The following POLD3 variants were observed in gnomAD, a reference collection of about 807,000 sequenced individuals.
POLD3 encodes DNA polymerase delta subunit 3.
POLD3 carries 19 observed loss-of-function variants against 58.2 expected under a neutral mutation model. The ratio of observed to expected loss-of-function variants is 0.33; its 90% CI spans 0.23 to 0.48. The LOEUF (loss-of-function observed/expected upper bound fraction) is 0.48. POLD3 is among the 20% of genes least tolerant of loss of function. POLD3 has a pLI of 0.99. For synonymous variants in POLD3, 172 were observed against 193.5 expected, an observed-to-expected ratio of 0.89 and a Z score of 0.92; for missense variants, 504 against 545.5, an observed-to-expected ratio of 0.92 and a Z score of 0.76.
chr11:74,627,179 C>T (rs1565123673), intron 8 of POLD3, among the ~76,000 whole-genome samples: 1 of 152,032 alleles, frequency 6.6e-6, no homozygotes, highest in Non-Finnish European at 1.5e-5. Flanking sequence ...AGAAGACCTT[C>T]CAGTGGGACA....
rs11354555 is a variant in POLD3, at chr11:74,637,806, C to CTT, written c.1198+1546_1198+1547dup. 9.3e-4 allele frequency among the ~76,000 whole-genome samples: 134 copies of CTT among 143,840 alleles called. 1 individual carries two copies. The highest frequency in any genetic ancestry group is 7.0e-3 in the Middle Eastern group (2 of 284). The allele number at this position is 143,840 out of a possible 152,430, so 94.4% of individuals were successfully genotyped here. On this transcript the variant is annotated intron_variant, in intron 11 of 11. Transcript: ENST00000263681. The stretch of plus-strand genomic sequence containing the variant: ...CAGTGAAAACTGTGCTCACATTGCA[C>CTT]TTTTTTTTTTTTTTTTAAAGGTTTT...
chr11:74,604,028 G>A (rs960100893), intron 2 of POLD3, among the ~76,000 whole-genome samples: 1 of 152,212 alleles, frequency 6.6e-6, no homozygotes, highest in Non-Finnish European at 1.5e-5. Context: ...ACTGGGCAAT[G>A]TGAGTAAGCT....
chr11:74,662,331 C>T (rs1335386736), intron 4 of POLD3, among the ~76,000 whole-genome samples: 1 of 152,068 alleles, frequency 6.6e-6, no homozygotes, highest in Non-Finnish European at 1.5e-5. Flanking sequence ...CTCACCAAGG[C>T]CCATGGCGTA....
chr11:74,655,040 A>C (rs1001139039), intron 4 of POLD3, among the ~76,000 whole-genome samples: 2 of 152,242 alleles, frequency 1.3e-5, no homozygotes, highest in African/African-American at 4.8e-5. Context: ...CCATGCACAC[A>C]GGTAGAGGAA....
chr11:74,660,860 A>G (rs146784828), intron 4 of POLD3, among the ~76,000 whole-genome samples: 142 of 151,930 alleles, frequency 9.3e-4, no homozygotes, highest in Non-Finnish European at 1.2e-3. Flanking sequence ...ACATAGTCTC[A>G]GGTAGTTCTT....
At chr11:74,600,766 G>A (rs1226486917) in intron 2 of POLD3, among the ~76,000 whole-genome samples, 1 of 136,050 alleles carries the variant, frequency 7.4e-6, no homozygotes, top group Non-Finnish European at 1.5e-5. Flanking sequence ...TGTCCAGGCT[G>A]GAGTGTGATG....
At chr11:74,636,475 C>T (rs939166791) in intron 11 of POLD3, among the ~76,000 whole-genome samples, 200 bp downstream of exon 11, 1 of 152,146 alleles carries the variant, frequency 6.6e-6, no homozygotes, top group African/African-American at 2.4e-5. Flanking sequence ...TTGTTTAGGT[C>T]ATAGACTATA....
At chr11:74,662,998 C>A (rs2033223805) in intron 4 of POLD3, among the ~76,000 whole-genome samples, 2 of 152,188 alleles carry the variant, frequency 1.3e-5, no homozygotes, top group East Asian at 1.9e-4. Flanking sequence ...CACACAGATT[C>A]TCTGTACCAA....
Position 74,642,624 on chromosome 11 carries a change from T to C in POLD3, c.*1858T>C. ...AATATGCTGCCTCAACTCTGAGCTG[T>C]CTGCAAGGCTTAGTAAGTATTGAGT... On this transcript the variant is annotated 3_prime_UTR_variant, in exon 12 of 12. Coordinates refer to ENST00000263681, the MANE Select transcript of POLD3 (RefSeq NM_006591.3). 2 of 984,778 alleles carry C rather than the reference T, an allele frequency of 2.0e-6. No individual in the cohort carries two copies. The highest frequency in any genetic ancestry group is 2.4e-6 in the Non-Finnish European group (2 of 829,374). 61.0% of individuals were successfully genotyped at this position (984,778 alleles called of 1,614,324 possible). A position where few individuals can be genotyped will look rare whatever the true frequency, so the allele number is the denominator to read the frequency against.
chr11:74,652,993 A>G (rs7924701), intron 4 of POLD3: 124,882 of 152,626 alleles, frequency 0.82, 51,265 homozygotes, highest in Middle Eastern at 0.94. Flanking sequence ...GTGGTGTAGC[A>G]TGTTTGCCAT....
chr11:74,655,849 G>T (rs1374750629), intron 4 of POLD3, among the ~76,000 whole-genome samples: 5 of 152,102 alleles, frequency 3.3e-5, no homozygotes, highest in African/African-American at 1.2e-4. Flanking sequence ...GTGACTGGAG[G>T]TTTCAGCAAA....
chr11:74,599,409 A>G lies in POLD3; in HGVS notation c.117-5283A>G, dbSNP rs1466875951. ...TTGACGGAGTCTCGCTCTGTTGCCTAGGCCGGAGTGCAGTGGCGGAACTCA... is the reference window on the plus strand; with the variant it reads ...TTGACGGAGTCTCGCTCTGTTGCCTGGGCCGGAGTGCAGTGGCGGAACTCA... On this transcript the variant is annotated intron_variant, in intron 2 of 11. Coordinates refer to ENST00000263681, the MANE Select transcript of POLD3 (RefSeq NM_006591.3). Among the ~76,000 whole-genome samples the G allele has an allele frequency of 4.2e-5, 6 of 142,056 alleles. 1 individual carries two copies. Among genetic ancestry groups the G allele is most frequent in the Middle Eastern group, 8.4e-3 (2 of 238 alleles). The allele number at this position is 142,056 out of a possible 152,430, so 93.2% of individuals were successfully genotyped here.
intron 11 of POLD3, among the ~76,000 whole-genome samples, chr11:74,636,644 G>A (rs894784244): frequency 3.3e-5 from 5 of 151,986 alleles, no homozygotes; most frequent in South Asian, 2.1e-4. Context: ...GGCTTAAGAT[G>A]TTATCATAGA....
chr11:74,610,901 A>G (rs2031888852), intron 3 of POLD3, among the ~76,000 whole-genome samples: 1 of 152,014 alleles, frequency 6.6e-6, no homozygotes, highest in South Asian at 2.1e-4. Flanking sequence ...CACCCCCCTG[A>G]GTAGCTGGGA....
At chr11:74,600,929 G>A (rs2031473481) in intron 2 of POLD3, among the ~76,000 whole-genome samples, 1 of 151,968 alleles carries the variant, frequency 6.6e-6, no homozygotes, top group African/African-American at 2.4e-5. Context: ...ATGTTGGTTA[G>A]GCTGGTCTCA....
chr11:74,636,805 TC>T (rs1387737854), intron 11 of POLD3, among the ~76,000 whole-genome samples: 1 of 152,234 alleles, frequency 6.6e-6, no homozygotes, highest in Admixed American at 6.5e-5. Context: ...CGAGATTGCT[TC>T]CTTTATGTTT....
intron 9 of POLD3, among the ~76,000 whole-genome samples, chr11:74,631,167 T>G (rs916578644): frequency 6.6e-6 from 1 of 152,260 alleles, no homozygotes; most frequent in African/African-American, 2.4e-5. Flanking sequence ...ATTGCTTTAT[T>G]TCTGTTACAC....
Position 74,621,728 on chromosome 11 carries a change from G to GA in POLD3, c.733+1646dup, listed in dbSNP as rs572335337. Among the ~76,000 whole-genome samples the GA allele has an allele frequency of 7.9e-4, 120 of 151,958 alleles. 1 individual carries two copies. The Middle Eastern group carries it at 0.024, about 30-fold the overall frequency. On this transcript the variant is annotated intron_variant, in intron 7 of 11. Transcript: ENST00000263681. ...TGAGAGAGATGGACAAATAAATATGGAAAAAAAGCCAGGCATGGTGGTACG... is the reference window on the plus strand; with the variant it reads ...TGAGAGAGATGGACAAATAAATATGGAAAAAAAAGCCAGGCATGGTGGTACG...
intron 5 of POLD3, among the ~76,000 whole-genome samples, chr11:74,618,110 G>A (rs896836640): frequency 1.1e-4 from 17 of 151,984 alleles, no homozygotes; most frequent in Non-Finnish European, 2.2e-4. Flanking sequence ...TGCAAATCTA[G>A]CCCTATCAGA....
Sources: gnomAD v4.1 joint callset for allele counts (sites outside exome capture counted in the v4.1 genomes callset) on GRCh38, gnomAD v4.1.1 for gene constraint, MANE v1.5 for transcripts, NCBI Gene and HGNC (gene_info 2026-07-23, HGNC 2026-07-21) for gene names.